NDUFS6: variants seen among roughly 807,000 people sequenced by gnomAD.
NDUFS6 encodes the protein NADH dehydrogenase [ubiquinone] iron-sulfur protein 6, mitochondrial.
NDUFS6 carries 14 observed loss-of-function variants against 13.2 expected under a neutral mutation model. The ratio of observed to expected loss-of-function variants is 1.06; its 90% CI spans 0.70 to 1.66. The LOEUF (loss-of-function observed/expected upper bound fraction) is 1.66, where lower values mean the gene tolerates loss of function less well. Ranked by LOEUF, NDUFS6 falls within the 40% of genes most tolerant of loss-of-function variation. The probability of loss-of-function intolerance (pLI) is 0.00; values close to 1 mark genes in which losing one functional copy is unlikely to be tolerated. For missense variants in NDUFS6, 206 were observed against 170.8 expected (o/e 1.21, Z -1.15); for synonymous variants, 95 against 72.3 (o/e 1.31, Z -1.60).
Position 1,815,998 on chromosome 5 carries a change from G to C in NDUFS6, c.*82G>C. On this transcript the variant is annotated 3_prime_UTR_variant, in exon 4 of 4. Coordinates refer to ENST00000274137, the MANE Select transcript of NDUFS6 (RefSeq NM_004553.6). ...TGAGCACGTGAAGCTCGCTGGTTCTGTGCGAAGGGTATTCCTGGTGCTGAA... is the reference window on the plus strand; with the variant it reads ...TGAGCACGTGAAGCTCGCTGGTTCTCTGCGAAGGGTATTCCTGGTGCTGAA... 1 of 1,430,966 alleles carries C rather than the reference G, an allele frequency of 7.0e-7. No individual in the cohort carries two copies. Among genetic ancestry groups the C allele is most frequent in the East Asian group, 2.3e-5 (1 of 44,064 alleles). 88.6% of individuals were successfully genotyped at this position (1,430,966 alleles called of 1,614,324 possible). A position where few individuals can be genotyped will look rare whatever the true frequency, so the allele number is the denominator to read the frequency against.
chr5:1,802,401 G>A (rs574818332), intron 2 of NDUFS6, 27 bp downstream of exon 2: 1 of 1,599,678 alleles, frequency 6.3e-7, no homozygotes, highest in Non-Finnish European at 8.6e-7. Context: ...GTGAAGAGAG[G>A]TAAGCTTTCC....
At chr5:1,815,814 A>G (rs746778807) in intron 3 of NDUFS6, 37 bp from the exon 4 acceptor site, 1 of 1,598,700 alleles carries the variant, frequency 6.3e-7, no homozygotes, top group East Asian at 2.2e-5. Flanking sequence ...GAAGTAGAAT[A>G]TGGAAATATG....
chr5:1,802,031 A>G lies in NDUFS6; in HGVS notation c.133-290A>G. 6.5e-6 allele frequency: 3 copies of G among 464,036 alleles called. No individual in the cohort carries two copies. The South Asian group carries it at 7.3e-5, about 11-fold the overall frequency. 28.7% of individuals were successfully genotyped at this position (464,036 alleles called of 1,614,324 possible). A position where few individuals can be genotyped will look rare whatever the true frequency, so the allele number is the denominator to read the frequency against. On this transcript the variant is annotated intron_variant, in intron 1 of 3. Transcript: ENST00000274137. ...AGTAAAGCTCTCAGGCCATATGCCA[A>G]AGAAGGTTGGGGGCGGTTCTCCTCG...
intron 2 of NDUFS6, among the ~76,000 whole-genome samples, chr5:1,803,064 T>C (rs555044814): frequency 6.6e-6 from 1 of 152,308 alleles, no homozygotes; most frequent in South Asian, 2.1e-4. Context: ...ATTCATTCTT[T>C]TTCCCACTTT....
At chr5:1,801,665 G>A in intron 1 of NDUFS6, 116 bp downstream of exon 1, 1 of 1,444,864 alleles carries the variant, frequency 6.9e-7, no homozygotes, top group Non-Finnish European at 9.2e-7. Flanking sequence ...GCAGGTCGTG[G>A]TAAGGTTGTG....
At chr5:1,812,762 G>T (rs527855200) in intron 2 of NDUFS6, among the ~76,000 whole-genome samples, 2 of 151,886 alleles carry the variant, frequency 1.3e-5, no homozygotes, top group East Asian at 3.9e-4. Flanking sequence ...GCTAGAAAGG[G>T]TGTGTGTAGG....
chr5:1,808,291 C>T (rs1172294687), intron 2 of NDUFS6, among the ~76,000 whole-genome samples: 2 of 152,186 alleles, frequency 1.3e-5, no homozygotes, highest in Admixed American at 1.3e-4. Context: ...TTTTGTGTGG[C>T]TTCCCGCTTC....
intron 1 of NDUFS6, chr5:1,802,055 C>T (rs1410186300): frequency 1.0e-5 from 5 of 489,590 alleles, no homozygotes; most frequent in South Asian, 9.4e-5. Flanking sequence ...CGGTTCTCCT[C>T]GGTCAGGATT....
Position 1,814,847 on chromosome 5 carries a change from C to T in NDUFS6, c.309+386C>T, listed in dbSNP as rs113262730. The T allele has an allele frequency of 1.7e-3, 1,077 of 615,824 alleles. 2 individuals carry two copies. Among genetic ancestry groups the T allele is most frequent in the African/African-American group, 0.015 (804 of 54,336 alleles). The allele number at this position is 615,824 out of a possible 1,614,324, so 38.1% of individuals were successfully genotyped here. On this transcript the variant is annotated intron_variant, in intron 3 of 3. Coordinates refer to ENST00000274137, the MANE Select transcript of NDUFS6 (RefSeq NM_004553.6). This position sits in a 1 kb window ranked among gnomAD's most constrained non-coding sequence, Gnocchi z 4.9. ...AGGCTGCAGCCCAAGACCACCGTGC[C>T]GCTCTGTGGGTTCCTCCTGGGGCCT... is the stretch of plus-strand genomic sequence containing the variant.
At chr5:1,806,339 G>C (rs569568267) in intron 2 of NDUFS6, among the ~76,000 whole-genome samples, 1 of 152,158 alleles carries the variant, frequency 6.6e-6, no homozygotes, top group Non-Finnish European at 1.5e-5. Context: ...TCCCTGACCC[G>C]CACAGCCCAC....
chr5:1,808,205 G>C (rs1561105221), intron 2 of NDUFS6, among the ~76,000 whole-genome samples: 1 of 152,176 alleles, frequency 6.6e-6, no homozygotes, highest in Non-Finnish European at 1.5e-5. Context: ...CTCTTGTCTT[G>C]AAGCAACCTG....
intron 2 of NDUFS6, among the ~76,000 whole-genome samples, chr5:1,808,242 G>A (rs1734158486): frequency 6.6e-6 from 1 of 152,178 alleles, no homozygotes; most frequent in African/African-American, 2.4e-5. Flanking sequence ...TGTTTGAGAC[G>A]CGGGCGGTGC....
In NDUFS6 at chr5:1,801,502, G is replaced by C; in HGVS notation, c.85G>C (p.Gly29Arg). 1 of 1,601,344 alleles carries C rather than the reference G, an allele frequency of 6.2e-7. No individual in the cohort carries two copies. Among genetic ancestry groups the C allele is most frequent in the Non-Finnish European group, 8.5e-7 (1 of 1,178,636 alleles). ...RSLPLGARCFGVRVSPTGEKV... is the reference protein window; with the variant it reads ...RSLPLGARCFRVRVSPTGEKV... ...CCTGCCCCTGGGCGCCAGGTGTTTC[G>C]GGGTGCGGGTCTCGCCGACCGGGGA... The change falls in exon 1 of 4, where the codon GGG becomes CGG. Residue 29 changes from glycine to arginine, a missense_variant. Transcript: ENST00000274137.
chr5:1,814,749 C>A lies in NDUFS6; in HGVS notation c.309+288C>A, dbSNP rs1210063100. ...GGGCCCTTCTCGGTTTGGTCATCAT[C>A]TCAGCTCAGGCTGCCACACACAGCA... On this transcript the variant is annotated intron_variant, in intron 3 of 3. Transcript: ENST00000274137. The surrounding 1 kb of genome is among the most constrained non-coding windows in gnomAD (Gnocchi z 4.9). 1.4e-6 allele frequency: 1 copy of A among 697,944 alleles called. No homozygotes were observed. The highest frequency in any genetic ancestry group is 2.7e-5 in the East Asian group (1 of 37,180). The allele number at this position is 697,944 out of a possible 1,614,324, so 43.2% of individuals were successfully genotyped here. A position where few individuals can be genotyped will look rare whatever the true frequency, so the allele number is the denominator to read the frequency against.
intron 2 of NDUFS6, among the ~76,000 whole-genome samples, chr5:1,805,892 C>T (rs575770296): frequency 6.6e-6 from 1 of 152,096 alleles, no homozygotes; most frequent in Non-Finnish European, 1.5e-5. Flanking sequence ...GATTCAGGCT[C>T]CTGCGCTGAT....
At chr5:1,809,691 C>T (rs185955640) in intron 2 of NDUFS6, among the ~76,000 whole-genome samples, 1 of 152,214 alleles carries the variant, frequency 6.6e-6, no homozygotes, top group African/African-American at 2.4e-5. Context: ...TTAGTGCGGC[C>T]TTTGTGACAC....
intron 3 of NDUFS6, among the ~76,000 whole-genome samples, 180 bp from the exon 4 acceptor site, chr5:1,815,671 T>C (rs1383736720): frequency 6.6e-6 from 1 of 152,228 alleles, no homozygotes; most frequent in African/African-American, 2.4e-5. Context: ...GGTGGGAGCC[T>C]GAGGCCAGGG....
At chr5:1,808,773 T>A (rs1314973316) in intron 2 of NDUFS6, among the ~76,000 whole-genome samples, 2 of 152,228 alleles carry the variant, frequency 1.3e-5, no homozygotes, top group East Asian at 3.8e-4. Flanking sequence ...AAAATTAATT[T>A]GAATGAAAAC....
rs1188124934 is a variant in NDUFS6 at position 1,814,223 on chromosome 5, G to A, written c.187-116G>A. On this transcript the variant is annotated intron_variant, in intron 2 of 3. Transcript: ENST00000274137. The surrounding 1 kb of genome is among the most constrained non-coding windows in gnomAD (Gnocchi z 4.9). The stretch of plus-strand genomic sequence containing the variant: ...AGGTCTACAATGATAATAGTTAAAT[G>A]AAGCATGCACCATAGATTCGTGCTG... The A allele has an allele frequency of 7.2e-7, 1 of 1,397,098 alleles. No homozygotes were observed. Among genetic ancestry groups the A allele is most frequent in the Admixed American group, 1.7e-5 (1 of 59,420 alleles). The allele number at this position is 1,397,098 out of a possible 1,614,324, so 86.5% of individuals were successfully genotyped here.
Sources: allele counts gnomAD v4.1 joint callset (sites outside exome capture counted in the v4.1 genomes callset), GRCh38; gene constraint gnomAD v4.1.1; non-coding constraint Gnocchi (gnomAD v3.1); transcripts MANE v1.5; gene names NCBI Gene and HGNC (gene_info 2026-07-23, HGNC 2026-07-21).